The following MAN2A1 variants were observed in gnomAD, a reference collection of about 807,000 sequenced individuals.
MAN2A1 encodes alpha-mannosidase 2.
MAN2A1 carries 76 observed loss-of-function variants against 142.6 expected under a neutral mutation model. That is an observed-to-expected ratio of 0.53 (90% CI 0.44 to 0.65). The LOEUF is 0.65. Ranked by LOEUF, MAN2A1 falls within the 30% of genes least tolerant of loss-of-function variation. The probability of loss-of-function intolerance (pLI) is 0.00; values close to 1 mark genes in which losing one functional copy is unlikely to be tolerated. For synonymous variants in MAN2A1, 559 were observed against 473.2 expected (o/e 1.18, Z -2.35); for missense variants, 1,311 against 1,365.1 (o/e 0.96, Z 0.62).
At chr5:109,817,571 G>T (rs1306802113) in intron 13 of MAN2A1, 133 bp downstream of exon 13, 1 of 809,010 alleles carries the variant, frequency 1.2e-6, no homozygotes, top group African/African-American at 1.7e-5. Context: ...GTAAATACCA[G>T]AGAGTTTAAC....
chr5:109,850,282 G>A (rs1052778478), intron 19 of MAN2A1, among the ~76,000 whole-genome samples: 6 of 152,078 alleles, frequency 3.9e-5, no homozygotes, highest in African/African-American at 1.4e-4. Flanking sequence ...TGTATTTATT[G>A]CAATTTCTGC....
At position 109,859,390 on chromosome 5, in the gene MAN2A1, T is replaced by C. The variant is rs140418642; in HGVS notation, c.3171+4056T>C. ...TATATCAATTTTTGGAAAATGATTA[T>C]ATGCCGTATATTTGTATTCAGATGA... is the stretch of plus-strand genomic sequence containing the variant. On this transcript the variant is annotated intron_variant, in intron 20 of 21. Transcript: ENST00000261483. Among the ~76,000 whole-genome samples the C allele has an allele frequency of 1.7e-3, 265 of 152,366 alleles. 1 individual carries two copies. The highest frequency in any genetic ancestry group is 6.2e-3 in the African/African-American group (256 of 41,588).
In MAN2A1 at chr5:109,855,197, C is replaced by T. The variant is rs1388064860; in HGVS notation, c.3034C>T (p.Leu1012Phe). ...PSLLSHITSS[L>F]MNHPVIPMAN... ...TCTCCTTAGCCACATAACTTCTTCTCTCATGAATCATCCAGTCATTCCAAT... is the reference window on the plus strand; with the variant it reads ...TCTCCTTAGCCACATAACTTCTTCTTTCATGAATCATCCAGTCATTCCAAT... Residue 1012 changes from leucine to phenylalanine, a missense_variant, in exon 20 of 22, where the codon CTC becomes TTC. By Grantham distance (22) the Leu-to-Phe change is conservative. Coordinates refer to ENST00000261483, the MANE Select transcript of MAN2A1 (RefSeq NM_002372.4). 6.2e-7 allele frequency: 1 copy of T among 1,606,838 alleles called. No homozygotes were observed. Among genetic ancestry groups the T allele is most frequent in the South Asian group, 1.1e-5 (1 of 89,314 alleles).
chr5:109,767,572 T>C lies in MAN2A1; in HGVS notation c.873T>C (p.Phe291=). The change falls in exon 6 of 22, where the codon TTT becomes TTC. Residue 291 remains phenylalanine (F), a synonymous_variant. Transcript: ENST00000261483. ...GGTCCGGCTGGGCTATTGATCCCTT[T>C]GGACACTCACCAACAATGGCTTATC... ...KPRSGWAIDP[F]GHSPTMAYLL... is the part of the protein sequence containing the mutation. 1 of 1,613,810 alleles carries C rather than the reference T, an allele frequency of 6.2e-7. No individual in the cohort carries two copies. Among genetic ancestry groups the C allele is most frequent in the Non-Finnish European group, 8.5e-7 (1 of 1,179,748 alleles).
chr5:109,736,612 T>G (rs573754194), intron 4 of MAN2A1, among the ~76,000 whole-genome samples: 9 of 152,318 alleles, frequency 5.9e-5, no homozygotes, highest in Middle Eastern at 3.4e-3. Flanking sequence ...TTATAGTTAC[T>G]CAGATTGTTT....
intron 12 of MAN2A1, among the ~76,000 whole-genome samples, chr5:109,812,596 A>AT (rs374238425): frequency 1.3e-5 from 2 of 152,240 alleles, no homozygotes; most frequent in South Asian, 2.1e-4. Context: ...GTTTGAAATG[A>AT]TTTTTTTAAT....
intron 1 of MAN2A1, among the ~76,000 whole-genome samples, chr5:109,693,069 C>A (rs1461217465): frequency 2.0e-5 from 3 of 152,014 alleles, no homozygotes; most frequent in South Asian, 2.1e-4. Context: ...GGTTGGTTGC[C>A]CCCTGTATAG....
chr5:109,818,486 A>G (rs956576845), intron 13 of MAN2A1, among the ~76,000 whole-genome samples: 2 of 152,178 alleles, frequency 1.3e-5, no homozygotes, highest in African/African-American at 4.8e-5. Flanking sequence ...AAAATGGAAC[A>G]GCAACAGCTC....
chr5:109,864,982 A>G (rs1410247099), intron 20 of MAN2A1, 54 bp from the exon 21 acceptor site: 3 of 1,193,422 alleles, frequency 2.5e-6, no homozygotes, highest in Admixed American at 1.7e-5. Flanking sequence ...GTGAAGTACC[A>G]TAAATATTTG....
chr5:109,717,074 T>G (rs1751476806), intron 3 of MAN2A1, among the ~76,000 whole-genome samples: 1 of 151,950 alleles, frequency 6.6e-6, no homozygotes, highest in South Asian at 2.1e-4. Flanking sequence ...TTTTTTTTTT[T>G]GTGGGGATTG....
At chr5:109,819,469 T>C (rs1754562621) in intron 13 of MAN2A1, among the ~76,000 whole-genome samples, 200 bp from the exon 14 acceptor site, 1 of 152,202 alleles carries the variant, frequency 6.6e-6, no homozygotes, top group African/African-American at 2.4e-5. Flanking sequence ...TTTGTATTTT[T>C]TGTTTTTTGT....
intron 15 of MAN2A1, among the ~76,000 whole-genome samples, chr5:109,821,490 T>C (rs1253435235): frequency 6.6e-6 from 1 of 152,178 alleles, no homozygotes; most frequent in African/African-American, 2.4e-5. Flanking sequence ...ACTTTTGCTG[T>C]GTACTGCTTA....
chr5:109,784,148 A>C (rs777965206), intron 9 of MAN2A1, among the ~76,000 whole-genome samples: 3 of 152,126 alleles, frequency 2.0e-5, no homozygotes, highest in Non-Finnish European at 4.4e-5. Context: ...TGCCCAGCCG[A>C]CATACTGTTT....
intron 9 of MAN2A1, among the ~76,000 whole-genome samples, chr5:109,782,593 A>G (rs1582892305): frequency 6.6e-6 from 1 of 152,286 alleles, no homozygotes; most frequent in East Asian, 1.9e-4. Flanking sequence ...TCTTTTATAT[A>G]CTAGTGGACA....
At chr5:109,708,821 G>A (rs548143237) in intron 1 of MAN2A1, among the ~76,000 whole-genome samples, 1 of 152,302 alleles carries the variant, frequency 6.6e-6, no homozygotes, top group African/African-American at 2.4e-5. Context: ...AAGCGGCCAG[G>A]CTCTTAGAGA....
intron 1 of MAN2A1, among the ~76,000 whole-genome samples, chr5:109,691,201 T>TG (rs1387432205): frequency 1.3e-5 from 2 of 152,084 alleles, no homozygotes; most frequent in Admixed American, 6.5e-5. Flanking sequence ...CCGAAAGCTG[T>TG]GGGGCGCTCA....
Position 109,845,936 on chromosome 5 carries a change from T to C in MAN2A1, c.2772T>C (p.Tyr924=), listed in dbSNP as rs761304065. ...TCTATCCCATGACCACAATGGCCTA[T>C]ATCCAGGATGCCAAACATCGTTTGA... The part of the protein sequence containing the change: ...ANVYPMTTMA[Y]IQDAKHRLTL... Residue 924 remains tyrosine, a synonymous_variant, in exon 18 of 22, where the codon TAT becomes TAC. Transcript: ENST00000261483. The C allele has an allele frequency of 6.2e-6, 10 of 1,613,674 alleles. No homozygotes were observed. The Admixed American group carries it at 1.3e-4, about 22-fold the overall frequency.
chr5:109,836,088 A>G (rs1254455484), intron 16 of MAN2A1, among the ~76,000 whole-genome samples: 1 of 149,344 alleles, frequency 6.7e-6, no homozygotes, highest in Non-Finnish European at 1.5e-5. Flanking sequence ...TTTTCTTTTA[A>G]TAATAACAAT....
At chr5:109,820,471 G>T in intron 15 of MAN2A1, 129 bp downstream of exon 15, 1 of 924,618 alleles carries the variant, frequency 1.1e-6, no homozygotes, top group Non-Finnish European at 1.6e-6. Flanking sequence ...TTTGGTTGCA[G>T]TATTATCTAT....
Sources: gnomAD v4.1 joint callset for allele counts (sites outside exome capture counted in the v4.1 genomes callset) on GRCh38, gnomAD v4.1.1 for gene constraint, MANE v1.5 for transcripts, NCBI Gene and HGNC (gene_info 2026-07-23, HGNC 2026-07-21) for gene names.